The following EOGT variants were observed in gnomAD, a reference collection of about 807,000 sequenced individuals.
EOGT encodes EGF domain specific O-linked N-acetylglucosamine transferase.
EOGT carries 55 observed loss-of-function variants against 70.5 expected under a neutral mutation model. The ratio of observed to expected loss-of-function variants is 0.78; its 90% CI spans 0.63 to 0.98. The LOEUF is 0.98. EOGT is among the 50% of genes least tolerant of loss of function. EOGT has a pLI of 0.00. For synonymous variants in EOGT, 246 were observed against 217.1 expected (o/e 1.13, Z -1.17); for missense variants, 703 against 641.9 (o/e 1.10, Z -1.03).
At chr3:68,994,408 T>C (rs1198594415) in intron 10 of EOGT, among the ~76,000 whole-genome samples, 2 of 152,102 alleles carry the variant, frequency 1.3e-5, no homozygotes, top group Non-Finnish European at 2.9e-5. Flanking sequence ...GAACAGGGAA[T>C]TGGAGAGGAA....
At position 68,976,321 on chromosome 3, in the gene EOGT, T is replaced by C. The variant is rs1464990970; in HGVS notation, c.*1297A>G. ...AGGTAGACGCACACGCACTGGTATATGCAGTTACAAATACTCGCATAAAAT... is the reference window on the plus strand; with the variant it reads ...AGGTAGACGCACACGCACTGGTATACGCAGTTACAAATACTCGCATAAAAT... On this transcript the variant is annotated 3_prime_UTR_variant, in exon 18 of 18. Coordinates refer to ENST00000383701, the MANE Select transcript of EOGT (RefSeq NM_001278689.2). The C allele has an allele frequency of 6.6e-6, 1 of 152,220 alleles. No individual in the cohort carries two copies. Among genetic ancestry groups the C allele is most frequent in the Non-Finnish European group, 1.5e-5 (1 of 68,030 alleles). The allele number at this position is 152,220 out of a possible 1,614,324, so 9.4% of individuals were successfully genotyped here.
intron 15 of EOGT, among the ~76,000 whole-genome samples, chr3:68,980,506 G>A (rs551555863): frequency 6.6e-6 from 1 of 152,312 alleles, no homozygotes; most frequent in African/African-American, 2.4e-5. Flanking sequence ...TGAGGCTAGG[G>A]AGAAATGCTG....
intron 10 of EOGT, among the ~76,000 whole-genome samples, chr3:68,989,220 T>A (rs1003206484): frequency 6.6e-5 from 10 of 152,218 alleles, no homozygotes; most frequent in African/African-American, 2.4e-4. Flanking sequence ...GAAATAATTA[T>A]CACAATTATA....
intron 9 of EOGT, among the ~76,000 whole-genome samples, chr3:68,999,861 G>T (rs1020448512): frequency 9.9e-5 from 15 of 152,238 alleles, no homozygotes; most frequent in African/African-American, 3.6e-4. Flanking sequence ...CCATCCTTGA[G>T]AAATGTGCCC....
intron 9 of EOGT, 137 bp from the exon 10 acceptor site, chr3:68,998,251 T>C: frequency 1.7e-6 from 1 of 602,236 alleles, no homozygotes; most frequent in Non-Finnish European, 2.9e-6. Flanking sequence ...TGTTTTGTTT[T>C]TCCAAACATG....
chr3:68,993,524 G>C (rs1438676125), intron 10 of EOGT, among the ~76,000 whole-genome samples: 1 of 152,132 alleles, frequency 6.6e-6, no homozygotes, highest in Non-Finnish European at 1.5e-5. Flanking sequence ...TATTCAACAA[G>C]TCTCTAGGAA....
At chr3:68,994,924 C>G (rs185809075) in intron 10 of EOGT, among the ~76,000 whole-genome samples, 4 of 152,334 alleles carry the variant, frequency 2.6e-5, no homozygotes, top group African/African-American at 7.2e-5. Flanking sequence ...AGAGAGGCAT[C>G]TGAAGATGGG....
intron 9 of EOGT, 66 bp from the exon 10 acceptor site, chr3:68,998,180 C>A: frequency 1.2e-6 from 1 of 820,776 alleles, no homozygotes; most frequent in South Asian, 1.6e-5. Flanking sequence ...AAGTTTTATT[C>A]TATCCCATCT....
chr3:69,008,492 CA>C lies in EOGT; in HGVS notation c.246del (p.Tyr82Ter). The C allele has an allele frequency of 6.2e-7, 1 of 1,614,098 alleles. No homozygotes were observed. The highest frequency in any genetic ancestry group is 8.5e-7 in the Non-Finnish European group (1 of 1,179,990). ...CTGAACTCTGGTTTGCAGGATTTCT[CA>C]TAACCCCAGCAGTACTTTAGCTTCT... is the stretch of plus-strand genomic sequence containing the variant. ...HLEKLKYCWGYEKSCKPEFRF... is the reference protein window; with the variant it reads ...HLEKLKYCWGXEKSCKPEFRF... On this transcript the variant is annotated frameshift_variant, in exon 5 of 18. Coordinates refer to ENST00000383701, the MANE Select transcript of EOGT (RefSeq NM_001278689.2). LOFTEE classifies it high-confidence loss of function.
intron 9 of EOGT, 126 bp from the exon 10 acceptor site, chr3:68,998,240 C>A: frequency 6.5e-6 from 4 of 620,008 alleles, no homozygotes; most frequent in Non-Finnish European, 1.1e-5. Flanking sequence ...AAAAAAATAA[C>A]TGTTTTGTTT....
intron 16 of EOGT, among the ~76,000 whole-genome samples, chr3:68,978,984 A>C (rs947454889): frequency 6.6e-6 from 1 of 152,202 alleles, no homozygotes; most frequent in South Asian, 2.1e-4. Flanking sequence ...GGGCATTGGA[A>C]GTTCATGACA....
At chr3:69,011,289 G>T (rs910052283) in intron 3 of EOGT, among the ~76,000 whole-genome samples, 5 of 148,726 alleles carry the variant, frequency 3.4e-5, no homozygotes, top group Non-Finnish European at 7.4e-5. Flanking sequence ...GGGTCATACC[G>T]GAAAACCCAA....
chr3:69,001,481 A>G, intron 9 of EOGT, 127 bp downstream of exon 9: 8 of 596,592 alleles, frequency 1.3e-5, no homozygotes, highest in South Asian at 2.2e-5. Flanking sequence ...CAGAGAAGAA[A>G]GCAAAAAAAA....
At chr3:69,007,507 C>CGGGGGGGGCGGG (rs2091465413) in intron 6 of EOGT, among the ~76,000 whole-genome samples, 1 of 24,782 alleles carries the variant, frequency 4.0e-5, no homozygotes, top group Non-Finnish European at 9.6e-5. Flanking sequence ...TAAAAATTAG[C>CGGGGGGGGCGGG]GGGGGGGGGT....
At chr3:68,989,791 T>C (rs1421120792) in intron 10 of EOGT, among the ~76,000 whole-genome samples, 1 of 137,310 alleles carries the variant, frequency 7.3e-6, no homozygotes, top group Non-Finnish European at 1.6e-5. Flanking sequence ...ACATTAAAAA[T>C]ATAGGCTGGT....
chr3:68,994,908 G>A (rs1220671284), intron 10 of EOGT, among the ~76,000 whole-genome samples: 1 of 152,218 alleles, frequency 6.6e-6, no homozygotes, highest in Non-Finnish European at 1.5e-5. Context: ...CAACCCTGCT[G>A]TGCCCAGAGA....
chr3:68,981,390 T>C (rs1033363362), intron 15 of EOGT, among the ~76,000 whole-genome samples: 3 of 152,172 alleles, frequency 2.0e-5, no homozygotes, highest in African/African-American at 7.2e-5. Context: ...GCCAACATTC[T>C]CTGAAATTAA....
At chr3:69,003,801 T>A (rs2091364011) in intron 8 of EOGT, among the ~76,000 whole-genome samples, 1 of 152,204 alleles carries the variant, frequency 6.6e-6, no homozygotes, top group African/African-American at 2.4e-5. Flanking sequence ...GGGTAAAAGT[T>A]ACATGGGTGG....
chr3:68,979,568 T>A, intron 16 of EOGT, 100 bp downstream of exon 16: 1 of 1,283,478 alleles, frequency 7.8e-7, no homozygotes, highest in South Asian at 1.6e-5. Flanking sequence ...TCTTTTTGAA[T>A]GATTAAATAT....
Sources: allele counts gnomAD v4.1 joint callset (sites outside exome capture counted in the v4.1 genomes callset), GRCh38; gene constraint gnomAD v4.1.1; transcripts MANE v1.5; gene names NCBI Gene and HGNC (gene_info 2026-07-23, HGNC 2026-07-21).